The following MFHAS1 variants were observed in gnomAD, a reference collection of about 807,000 sequenced individuals.
The protein encoded by MFHAS1 is malignant fibrous histiocytoma-amplified sequence 1.
Under a neutral mutation model 70.4 loss-of-function variants are expected in MFHAS1, and 50 were observed. The ratio of observed to expected loss-of-function variants is 0.71; its 90% confidence interval spans 0.57 to 0.90. MFHAS1 has a LOEUF of 0.90. Ranked by LOEUF, MFHAS1 falls within the 40% of genes least tolerant of loss-of-function variation. The pLI, the probability that MFHAS1 is intolerant of heterozygous loss-of-function variation, is 0.00. For synonymous variants in MFHAS1, 952 were observed against 620.0 expected (o/e 1.54, Z -7.96); for missense variants, 1,795 against 1,347.6 (o/e 1.33, Z -5.20).
intron 1 of MFHAS1, among the ~76,000 whole-genome samples, chr8:8,836,376 A>ATTGTT (rs1203533320): frequency 6.6e-6 from 1 of 151,744 alleles, no homozygotes; most frequent in African/African-American, 2.4e-5. Context: ...TTTCTACTTT[A>ATTGTT]TTGTTTTGTT....
intron 1 of MFHAS1, among the ~76,000 whole-genome samples, chr8:8,811,462 G>C (rs532508779): frequency 6.6e-6 from 1 of 152,016 alleles, no homozygotes; most frequent in Non-Finnish European, 1.5e-5. Context: ...ATTTTTTGTA[G>C]AGATGAGGTC....
At chr8:8,811,406 A>G (rs1222552049) in intron 1 of MFHAS1, among the ~76,000 whole-genome samples, 1 of 151,822 alleles carries the variant, frequency 6.6e-6, no homozygotes, top group African/African-American at 2.4e-5. Context: ...ATCCCAAGTA[A>G]ATGGGACCAC....
At chr8:8,796,405 G>A (rs186172570) in intron 2 of MFHAS1, among the ~76,000 whole-genome samples, 1 of 152,310 alleles carries the variant, frequency 6.6e-6, no homozygotes, top group Non-Finnish European at 1.5e-5. Context: ...AAGACTGCCC[G>A]TCAAAAAACT....
chr8:8,846,364 A>G (rs751587732), intron 1 of MFHAS1, among the ~76,000 whole-genome samples: 5,225 of 127,342 alleles, frequency 0.041, 462 homozygotes, highest in African/African-American at 0.15. Flanking sequence ...GGGGAGGAGG[A>G]GAAGGAGAAG....
chr8:8,840,042 G>A (rs1343592171), intron 1 of MFHAS1, among the ~76,000 whole-genome samples: 2 of 152,160 alleles, frequency 1.3e-5, no homozygotes, highest in South Asian at 4.1e-4. Context: ...ATATATGTTT[G>A]TACAGTGTAA....
chr8:8,884,031 C>G (rs1809646441), intron 1 of MFHAS1, among the ~76,000 whole-genome samples: 1 of 143,484 alleles, frequency 7.0e-6, no homozygotes, highest in African/African-American at 2.6e-5. Context: ...GGCCCTATCT[C>G]TATTTCACAA....
In MFHAS1 at chr8:8,891,209, C is replaced by A; in HGVS notation, c.1850G>T (p.Arg617Leu). Residue 617 changes from arginine to leucine, a missense_variant, in exon 1 of 3, where the codon CGG (arginine) becomes CTG (leucine). Coordinates refer to ENST00000276282, the MANE Select transcript of MFHAS1 (RefSeq NM_004225.3). The surrounding 1 kb of genome is among the most constrained non-coding windows in gnomAD (Gnocchi z 5.4). ...KAHFQYLLNH[R>L]LQILSPVLPV... ...CAACACGGGGGAGAGGATCTGCAGC[C>A]GGTGGTTGAGCAGGTATTGAAAATG... 6.2e-7 allele frequency: 1 copy of A among 1,612,780 alleles called. No individual in the cohort carries two copies. The highest frequency in any genetic ancestry group is 8.5e-7 in the Non-Finnish European group (1 of 1,180,028).
chr8:8,869,074 G>A (rs1270927185), intron 1 of MFHAS1, among the ~76,000 whole-genome samples: 9 of 152,148 alleles, frequency 5.9e-5, no homozygotes, highest in Non-Finnish European at 1.5e-5. Context: ...GGAGGAGGAA[G>A]GCAAAAAGAG....
intron 1 of MFHAS1, among the ~76,000 whole-genome samples, chr8:8,852,450 C>G (rs1445454683): frequency 6.7e-6 from 1 of 149,868 alleles, no homozygotes; most frequent in Non-Finnish European, 1.5e-5. Context: ...GCGTAAGCAA[C>G]AAAGCGAGAC....
chr8:8,884,644 C>A (rs557480047), intron 1 of MFHAS1, among the ~76,000 whole-genome samples: 2 of 152,206 alleles, frequency 1.3e-5, no homozygotes, highest in East Asian at 3.9e-4. Context: ...GGGATTTTCA[C>A]TGAGTGTGTG....
intron 1 of MFHAS1, among the ~76,000 whole-genome samples, chr8:8,855,764 G>A (rs1033446575): frequency 2.0e-5 from 3 of 152,192 alleles, no homozygotes; most frequent in African/African-American, 7.2e-5. Context: ...GCTGAGACAG[G>A]AGAAGCACTT....
intron 1 of MFHAS1, among the ~76,000 whole-genome samples, chr8:8,866,481 G>A (rs748323820): frequency 1.1e-4 from 16 of 152,004 alleles, no homozygotes; most frequent in Non-Finnish European, 2.1e-4. Context: ...ACCACGCCCA[G>A]CTAATTTTTT....
chr8:8,814,849 C>CTTTTTTTTTTTT (rs34438669), intron 1 of MFHAS1, among the ~76,000 whole-genome samples: 1 of 130,430 alleles, frequency 7.7e-6, no homozygotes. Context: ...GCTAGAATTT[C>CTTTTTTTTTTTT]TTTTTTTTTT....
intron 1 of MFHAS1, among the ~76,000 whole-genome samples, chr8:8,846,220 T>A (rs1808025344): frequency 7.9e-6 from 1 of 127,166 alleles, no homozygotes; most frequent in African/African-American, 3.0e-5. Context: ...GCCACTGCAC[T>A]CCAGCCTGAG....
At chr8:8,801,338 T>C (rs990839567) in intron 1 of MFHAS1, among the ~76,000 whole-genome samples, 1 of 152,218 alleles carries the variant, frequency 6.6e-6, no homozygotes, top group Non-Finnish European at 1.5e-5. Flanking sequence ...TTGGGTCTTA[T>C]CTCTAGCAGG....
chr8:8,863,135 A>C (rs1011668463), intron 1 of MFHAS1, among the ~76,000 whole-genome samples: 1 of 152,220 alleles, frequency 6.6e-6, no homozygotes, highest in Non-Finnish European at 1.5e-5. Flanking sequence ...ACCTTTGTCC[A>C]TAATCAATTG....
At chr8:8,790,953 A>G (rs1805699322) in intron 2 of MFHAS1, among the ~76,000 whole-genome samples, 1 of 152,172 alleles carries the variant, frequency 6.6e-6, no homozygotes, top group Non-Finnish European at 1.5e-5. Context: ...AAGTAACTGG[A>G]ATTTAGTGGG....
intron 1 of MFHAS1, among the ~76,000 whole-genome samples, chr8:8,840,150 G>C (rs898691950): frequency 6.6e-6 from 1 of 152,114 alleles, no homozygotes; most frequent in Admixed American, 6.5e-5. Flanking sequence ...GAAGACTCCA[G>C]GGACGCAACA....
At chr8:8,837,916 T>C (rs1284022259) in intron 1 of MFHAS1, among the ~76,000 whole-genome samples, 1 of 152,140 alleles carries the variant, frequency 6.6e-6, no homozygotes, top group Non-Finnish European at 1.5e-5. Flanking sequence ...TGACCCACCA[T>C]TCCACCCCTA....
Sources: allele counts gnomAD v4.1 joint callset (sites outside exome capture counted in the v4.1 genomes callset), GRCh38; gene constraint gnomAD v4.1.1; non-coding constraint Gnocchi (gnomAD v3.1); transcripts MANE v1.5; gene names NCBI Gene and HGNC (gene_info 2026-07-23, HGNC 2026-07-21).